MRE11: variants seen among roughly 807,000 people sequenced by gnomAD.
The protein encoded by MRE11 is MRE11 double strand break repair nuclease.
Under a neutral mutation model 91.7 loss-of-function variants are expected in MRE11, and 62 were observed. That is an observed-to-expected ratio of 0.68 (90% CI 0.55 to 0.84). The LOEUF (loss-of-function observed/expected upper bound fraction) is 0.84, where lower values mean the gene tolerates loss of function less well. Ranked by LOEUF, MRE11 falls within the 40% of genes least tolerant of loss-of-function variation. The probability of loss-of-function intolerance (pLI) is 0.00; values close to 1 mark genes in which losing one functional copy is unlikely to be tolerated. For synonymous variants in MRE11, 273 were observed against 271.4 expected, an observed-to-expected ratio of 1.01 and a Z score of -0.06; for missense variants, 796 against 852.9, an observed-to-expected ratio of 0.93 and a Z score of 0.83.
chr11:94,496,586 T>C (rs184184108), upstream of MRE11: 401 of 1,036,820 alleles, frequency 3.9e-4, no homozygotes, highest in Non-Finnish European at 4.7e-4. Flanking sequence ...CTAATAACTT[T>C]TGTATTTGTG....
chr11:94,468,516 C>T (rs1364910867), intron 9 of MRE11, among the ~76,000 whole-genome samples: 1 of 152,144 alleles, frequency 6.6e-6, no homozygotes, highest in Admixed American at 6.6e-5. Flanking sequence ...AGATGGCCAA[C>T]TTCATAGCTG....
intron 7 of MRE11, chr11:94,475,678 T>G (rs1232385729): frequency 8.8e-6 from 4 of 454,806 alleles, no homozygotes; most frequent in Admixed American, 7.1e-5. Context: ...CTAGCTATAT[T>G]TGTATATCCT....
Position 94,417,869 on chromosome 11 carries a change from T to A in MRE11, c.*2256A>T, listed in dbSNP as rs1021829940. The A allele has an allele frequency of 4.3e-6, 1 of 232,978 alleles. No homozygotes were observed. The highest frequency in any genetic ancestry group is 5.6e-5 in the Admixed American group (1 of 17,774). The allele number at this position is 232,978 out of a possible 1,614,324, so 14.4% of individuals were successfully genotyped here. ...ACCACTTATATTTTCAAGAATTTCC[T>A]AGAACTTCGAGGAATCTTTAACCTT... On this transcript the variant is annotated 3_prime_UTR_variant, in exon 20 of 20. Transcript: ENST00000323929.
chr11:94,497,054 A>G, upstream of MRE11: 1 of 1,469,066 alleles, frequency 6.8e-7, no homozygotes, highest in Non-Finnish European at 9.4e-7. Flanking sequence ...CTATCTCTTG[A>G]TTGTGAGGAC....
chr11:94,500,618 C>T, the MRE11 span, among the ~76,000 whole-genome samples: 12 of 152,148 alleles, frequency 7.9e-5, no homozygotes, highest in Non-Finnish European at 1.8e-4. Context: ...TTTTGATTAA[C>T]ATATGCTTGA....
In MRE11 at chr11:94,481,968, T is replaced by C. The variant is rs185447164; in HGVS notation, c.315-2207A>G. Among the ~76,000 whole-genome samples the C allele has an allele frequency of 2.6e-5, 4 of 152,286 alleles. No homozygotes were observed. In the East Asian group the frequency reaches 7.7e-4, roughly 29 times the overall value. ...ATATTTTTTTTAATAGTATGCTATATAAATGATATTCAGAAAGAGAAAGGA... is the reference window on the plus strand; with the variant it reads ...ATATTTTTTTTAATAGTATGCTATACAAATGATATTCAGAAAGAGAAAGGA... On this transcript the variant is annotated intron_variant, in intron 4 of 19. Transcript: ENST00000323929.
intron 14 of MRE11, among the ~76,000 whole-genome samples, 188 bp from the exon 15 acceptor site, chr11:94,447,626 T>A (rs1945974443): frequency 7.5e-6 from 1 of 133,754 alleles, no homozygotes; most frequent in Non-Finnish European, 1.5e-5. Context: ...CCCAAGAGTT[T>A]GAGACAAGCC....
Position 94,419,407 on chromosome 11 carries a change from T to C in MRE11, c.*718A>G, listed in dbSNP as rs1232361660. ...CCTCCTAGAACTAGGCACGCATATA[T>C]GTATGAAAGAGAAGAAAAAGCAAAG... On this transcript the variant is annotated 3_prime_UTR_variant, in exon 20 of 20. Transcript: ENST00000323929. 4.4e-6 allele frequency: 1 copy of C among 228,584 alleles called. No homozygotes were observed. The highest frequency in any genetic ancestry group is 8.6e-6 in the Non-Finnish European group (1 of 116,576). 14.2% of individuals were successfully genotyped at this position (228,584 alleles called of 1,614,324 possible).
chr11:94,422,941 G>A (rs192598582), intron 19 of MRE11, among the ~76,000 whole-genome samples: 4,972 of 152,100 alleles, frequency 0.033, 304 homozygotes, highest in African/African-American at 0.11. Flanking sequence ...ATGAACTCCC[G>A]ACCTCAGGTG....
At position 94,478,732 on chromosome 11, in the gene MRE11, T is replaced by G; in HGVS notation, c.544+3A>C. 1 of 1,611,988 alleles carries G rather than the reference T, an allele frequency of 6.2e-7. No homozygotes were observed. Among genetic ancestry groups the G allele is most frequent in the South Asian group, 1.1e-5 (1 of 90,996 alleles). ...CATAAACAGTAAAATAAAACTGTCT[T>G]ACCTAAACCATATAGCGCAATCTTT... On this transcript the variant is annotated splice_donor_region_variant and intron_variant, in intron 6 of 19. Transcript: ENST00000323929.
intron 16 of MRE11, among the ~76,000 whole-genome samples, chr11:94,442,523 T>C (rs2134874744): frequency 6.6e-6 from 1 of 152,010 alleles, no homozygotes; most frequent in Non-Finnish European, 1.5e-5. Context: ...AAAAAGACGA[T>C]TTGGGCTAAG....
intron 6 of MRE11, 38 bp downstream of exon 6, chr11:94,478,697 C>A (rs1226816683): frequency 3.1e-6 from 5 of 1,608,078 alleles, no homozygotes; most frequent in Admixed American, 1.7e-5. Flanking sequence ...TTTAAAGAAT[C>A]ACACATGGAC....
intron 18 of MRE11, 46 bp downstream of exon 18, chr11:94,435,786 T>C: frequency 6.6e-7 from 1 of 1,520,280 alleles, no homozygotes; most frequent in Non-Finnish European, 9.1e-7. Context: ...TGGATAATTT[T>C]TAATTTTTTT....
At chr11:94,491,001 A>T (rs201715733) in intron 2 of MRE11, 36 bp from the exon 3 acceptor site, 67 of 1,176,186 alleles carry the variant, frequency 5.7e-5, no homozygotes. Context: ...CAATATATTA[A>T]TAATTCATTA....
chr11:94,447,650 G>A (rs1193214733), intron 14 of MRE11, among the ~76,000 whole-genome samples: 1 of 109,404 alleles, frequency 9.1e-6, no homozygotes, highest in African/African-American at 3.8e-5. Context: ...GCAACACAGC[G>A]AAACCCCGTC....
chr11:94,495,070 T>TA (rs1179927450), upstream of MRE11, among the ~76,000 whole-genome samples: 1 of 152,112 alleles, frequency 6.6e-6, no homozygotes, highest in Non-Finnish European at 1.5e-5. Context: ...AATACTTTAG[T>TA]AAAATTCTTA....
At position 94,447,221 on chromosome 11, in the gene MRE11, C is replaced by A; in HGVS notation, c.1781G>T (p.Arg594Ile). The change falls in exon 15 of 20, where the codon AGA (arginine) becomes ATA (isoleucine). Residue 594 changes from arginine to isoleucine, a missense_variant and splice_region_variant. Arg to Ile is a moderately conservative substitution (Grantham distance 97). Transcript: ENST00000323929. ...SASRGGSQRG[R>I]ADTGLETSTR... ...ACAGGACTGAACTCAGTGCTCACCT[C>A]TTCCTCTTTGAGACCCTCCTCTCGA... is the stretch of plus-strand genomic sequence containing the variant. 6.2e-7 allele frequency: 1 copy of A among 1,612,360 alleles called. No homozygotes were observed. Among genetic ancestry groups the A allele is most frequent in the Non-Finnish European group, 8.5e-7 (1 of 1,179,984 alleles).
At chr11:94,424,529 C>A (rs1945257002) in intron 19 of MRE11, among the ~76,000 whole-genome samples, 1 of 152,148 alleles carries the variant, frequency 6.6e-6, no homozygotes, top group South Asian at 2.1e-4. Flanking sequence ...GAAAGACAGA[C>A]ATACAATTTA....
intron 7 of MRE11, among the ~76,000 whole-genome samples, 189 bp downstream of exon 7, chr11:94,476,100 T>C (rs547017627): frequency 6.6e-6 from 1 of 152,330 alleles, no homozygotes; most frequent in East Asian, 1.9e-4. Flanking sequence ...GTTACAAATA[T>C]TCTTGTAGGT....
Sources: allele counts gnomAD v4.1 joint callset (sites outside exome capture counted in the v4.1 genomes callset), GRCh38; gene constraint gnomAD v4.1.1; transcripts MANE v1.5; gene names NCBI Gene and HGNC (gene_info 2026-07-23, HGNC 2026-07-21).